ESRRG: variants seen among roughly 807,000 people sequenced by gnomAD.
The protein encoded by ESRRG is estrogen related receptor gamma.
ESRRG carries 13 observed loss-of-function variants against 44.0 expected under a neutral mutation model. That is an observed-to-expected ratio of 0.30 (90% CI 0.19 to 0.47). The LOEUF (loss-of-function observed/expected upper bound fraction) is 0.47, where lower values mean the gene tolerates loss of function less well. Ranked by LOEUF, ESRRG falls within the 20% of genes least tolerant of loss-of-function variation. The probability of loss-of-function intolerance (pLI) is 1.00; values close to 1 mark genes in which losing one functional copy is unlikely to be tolerated. For synonymous variants in ESRRG, 215 were observed against 214.6 expected, an observed-to-expected ratio of 1.00 and a Z score of -0.02; for missense variants, 395 against 580.6, an observed-to-expected ratio of 0.68 and a Z score of 3.29.
At chr1:216,785,612 T>C (rs1410718328) in intron 2 of ESRRG, among the ~76,000 whole-genome samples, 1 of 151,928 alleles carries the variant, frequency 6.6e-6, no homozygotes, top group Admixed American at 6.6e-5. Context: ...TGTTATGCAA[T>C]AAAAACCAAA....
chr1:216,764,208 C>A (rs532114749), intron 2 of ESRRG, among the ~76,000 whole-genome samples: 1 of 151,704 alleles, frequency 6.6e-6, no homozygotes, highest in Non-Finnish European at 1.5e-5. Context: ...CCCACTGCCC[C>A]CCTTTTTTAA....
At chr1:217,087,293 T>G (rs575847531) in intron 1 of ESRRG, among the ~76,000 whole-genome samples, 2 of 152,210 alleles carry the variant, frequency 1.3e-5, no homozygotes, top group Non-Finnish European at 2.9e-5. Flanking sequence ...TTATACCTTA[T>G]CTTGCTGCAC....
At chr1:217,110,727 G>A (rs1239969291) in intron 1 of ESRRG, among the ~76,000 whole-genome samples, 1 of 152,114 alleles carries the variant, frequency 6.6e-6, no homozygotes, top group East Asian at 1.9e-4. Flanking sequence ...ACGCATGAGG[G>A]ATCTGCCCCC....
At chr1:216,961,757 T>C (rs2069135253) in intron 1 of ESRRG, among the ~76,000 whole-genome samples, 1 of 152,198 alleles carries the variant, frequency 6.6e-6, no homozygotes, top group Admixed American at 6.5e-5. Context: ...ATTACCTGCA[T>C]GACAGCAAAG....
At chr1:216,972,220 C>T (rs1260095118) in intron 1 of ESRRG, among the ~76,000 whole-genome samples, 1 of 152,090 alleles carries the variant, frequency 6.6e-6, no homozygotes, top group Non-Finnish European at 1.5e-5. Flanking sequence ...AAAAAGATGG[C>T]AACTGTGATA....
intron 1 of ESRRG, among the ~76,000 whole-genome samples, chr1:217,048,820 T>C (rs2085369998): frequency 6.6e-6 from 1 of 152,200 alleles, no homozygotes; most frequent in Non-Finnish European, 1.5e-5. Context: ...GAGTAAATTT[T>C]CAACTCTGCA....
chr1:216,632,573 T>C (rs2064425483), intron 3 of ESRRG, among the ~76,000 whole-genome samples: 1 of 152,094 alleles, frequency 6.6e-6, no homozygotes, highest in Non-Finnish European at 1.5e-5. Flanking sequence ...AGGAGGGGGA[T>C]CTCAATTTTT....
At chr1:216,820,457 A>C (rs2148600395) in intron 2 of ESRRG, among the ~76,000 whole-genome samples, 1 of 152,330 alleles carries the variant, frequency 6.6e-6, no homozygotes, top group East Asian at 1.9e-4. Context: ...ATGTCAGAGC[A>C]AACTCCTCAA....
At chr1:216,804,299 G>A (rs73096022) in intron 2 of ESRRG, among the ~76,000 whole-genome samples, 1,713 of 152,212 alleles carry the variant, frequency 0.011, 29 homozygotes, top group African/African-American at 0.039. Context: ...ACTGACGCTC[G>A]CTTAACTGAG....
At chr1:216,744,582 A>G (rs1042549527) in intron 2 of ESRRG, among the ~76,000 whole-genome samples, 1 of 152,150 alleles carries the variant, frequency 6.6e-6, no homozygotes, top group Non-Finnish European at 1.5e-5. Flanking sequence ...AAAAACTTTC[A>G]AAATTTGTCC....
At chr1:216,750,766 T>TA (rs2091929536) in intron 2 of ESRRG, among the ~76,000 whole-genome samples, 1 of 151,010 alleles carries the variant, frequency 6.6e-6, no homozygotes, top group African/African-American at 2.4e-5. Flanking sequence ...TTACCTTTTT[T>TA]TAAAAAAAAA....
chr1:216,709,677 T>G (rs1472464397), intron 1 of ESRRG, among the ~76,000 whole-genome samples: 1 of 148,992 alleles, frequency 6.7e-6, no homozygotes, highest in African/African-American at 2.5e-5. Context: ...TTTTTTCCTA[T>G]GTAGGTAGTG....
rs565192113 is a variant in ESRRG at position 217,036,636 on chromosome 1, G to A, written c.-106+52871C>T. ...GATTAGAACACATGGACACATAGAG[G>A]AGAACAACACACACTGGGGCCTATT... On this transcript the variant is annotated intron_variant, in intron 1 of 7. Coordinates refer to the ESRRG transcript ENST00000359162. Among the ~76,000 whole-genome samples the A allele has an allele frequency of 1.5e-4, 23 of 152,264 alleles. No individual in the cohort carries two copies. The South Asian group carries it at 3.9e-3, about 26-fold the overall frequency.
intron 2 of ESRRG, among the ~76,000 whole-genome samples, chr1:216,828,221 C>T (rs2095429729): frequency 6.6e-6 from 1 of 152,150 alleles, no homozygotes; most frequent in Non-Finnish European, 1.5e-5. Flanking sequence ...TCCTGTGACA[C>T]TTAACAGTAA....
rs884173 is a variant in ESRRG, at chr1:216,772,966, T to C, written c.-13-95475A>G. ...AACTACCAGTTAGTTTGTTATTGTT[T>C]TTATTTGGAATTACCTCTAGATAGG... On this transcript the variant is annotated intron_variant, in intron 2 of 7. Coordinates refer to the ESRRG transcript ENST00000359162. 7.2e-3 allele frequency among the ~76,000 whole-genome samples: 1,102 copies of C among 152,164 alleles called. 51 individuals carry two copies. In the East Asian group the frequency reaches 0.13, roughly 18 times the overall value.
At chr1:216,768,476 A>ATCTATCTATCTATCTG (rs1220928865) in intron 2 of ESRRG, among the ~76,000 whole-genome samples, 157 of 149,506 alleles carry the variant, frequency 1.1e-3, no homozygotes, top group Non-Finnish European at 1.6e-3. Flanking sequence ...CTATCTATCT[A>ATCTATCTATCTATCTG]TCTATCTATC....
chr1:216,690,611 G>A (rs2078884723), intron 1 of ESRRG, among the ~76,000 whole-genome samples: 1 of 151,980 alleles, frequency 6.6e-6, no homozygotes, highest in African/African-American at 2.4e-5. Flanking sequence ...TATCTAAAAG[G>A]TAATCTAAAA....
At chr1:217,016,850 A>G (rs1164927840) in intron 1 of ESRRG, among the ~76,000 whole-genome samples, 1 of 152,190 alleles carries the variant, frequency 6.6e-6, no homozygotes, top group Non-Finnish European at 1.5e-5. Flanking sequence ...GCAAACTGTA[A>G]TTGTCAATTA....
In ESRRG at chr1:216,751,642, A is replaced by G. The variant is rs531810785; in HGVS notation, c.-13-74151T>C. On this transcript the variant is annotated intron_variant, in intron 2 of 7. Coordinates refer to the ESRRG transcript ENST00000359162. Reference sequence around the variant, plus strand: ...GCCTGGGAGCCACCAGTAGACCCAAAAGACACAAGATGGCTAGAATAGTTC... The same window carrying G: ...GCCTGGGAGCCACCAGTAGACCCAAGAGACACAAGATGGCTAGAATAGTTC... 5.9e-5 allele frequency among the ~76,000 whole-genome samples: 9 copies of G among 152,126 alleles called. No individual in the cohort carries two copies. The East Asian group carries it at 1.5e-3, about 26-fold the overall frequency.
Sources: allele counts gnomAD v4.1 joint callset (sites outside exome capture counted in the v4.1 genomes callset), GRCh38; gene constraint gnomAD v4.1.1; transcripts MANE v1.5; gene names NCBI Gene and HGNC (gene_info 2026-07-23, HGNC 2026-07-21).